DCUN1D2: variants seen among roughly 807,000 people sequenced by gnomAD.
DCUN1D2 encodes the protein DCN1-like protein 2.
In DCUN1D2, 29 loss-of-function variants were observed where a neutral mutation model predicts 30.9. The ratio of observed to expected loss-of-function variants is 0.94; its 90% CI spans 0.70 to 1.28. The LOEUF is 1.28. DCUN1D2 is among the 50% of genes most tolerant of loss of function. The pLI, the probability that DCUN1D2 is intolerant of heterozygous loss-of-function variation, is 0.00. For missense variants in DCUN1D2, 325 were observed against 316.9 expected, an observed-to-expected ratio of 1.03 and a Z score of -0.19; for synonymous variants, 121 against 115.3, an observed-to-expected ratio of 1.05 and a Z score of -0.32.
chr13:113,474,387 G>T, intron 3 of DCUN1D2, 133 bp from the exon 4 acceptor site: 1 of 1,268,116 alleles, frequency 7.9e-7, no homozygotes, highest in Non-Finnish European at 1.1e-6. Context: ...TCCTTTCCCA[G>T]GCGCGGCCTA....
At chr13:113,465,640 C>A (rs1027182413) in intron 4 of DCUN1D2, among the ~76,000 whole-genome samples, 1 of 151,618 alleles carries the variant, frequency 6.6e-6, no homozygotes, top group African/African-American at 2.4e-5. Context: ...TCAAGTCTTC[C>A]TCCACATCAT....
chr13:113,466,801 ATTTTTT>A (rs112063279), intron 4 of DCUN1D2, among the ~76,000 whole-genome samples: 3 of 109,794 alleles, frequency 2.7e-5, no homozygotes, highest in Admixed American at 9.8e-5. Flanking sequence ...TGTCCTTTGG[ATTTTTT>A]TTTTTTTTTT....
At chr13:113,468,007 G>A (rs946373708) in intron 4 of DCUN1D2, among the ~76,000 whole-genome samples, 14 of 142,206 alleles carry the variant, frequency 9.8e-5, no homozygotes, top group Non-Finnish European at 1.6e-4. Context: ...TCACACCACT[G>A]CACTCCAGCC....
At chr13:113,483,295 C>G (rs1369579576) in intron 2 of DCUN1D2, among the ~76,000 whole-genome samples, 1 of 152,160 alleles carries the variant, frequency 6.6e-6, no homozygotes, top group Admixed American at 6.5e-5. Flanking sequence ...CAATCTGCAA[C>G]AAAAAGTTTC....
chr13:113,476,467 C>T (rs1299193363), intron 3 of DCUN1D2, among the ~76,000 whole-genome samples: 2 of 152,180 alleles, frequency 1.3e-5, no homozygotes, highest in East Asian at 1.9e-4. Flanking sequence ...TGTGCATCCT[C>T]TTTTGTGAAG....
rs1477622664 is a variant in DCUN1D2 at position 113,480,715 on chromosome 13, G to A, written c.249C>T (p.Val83=). ...CATCACAAAACTGTTGAATCCCATC[G>A]ACTCCAATTTTGTTTTCATCTTGTG... is the stretch of plus-strand genomic sequence containing the variant. The part of the protein sequence containing the change: ...KDPQDENKIG[V]DGIQQFCDDL... Residue 83 remains valine (V), a synonymous_variant, in exon 3 of 7, where the codon GTC becomes GTT. Transcript: ENST00000478244. 8.1e-6 allele frequency: 13 copies of A among 1,613,852 alleles called. No homozygotes were observed. The highest frequency in any genetic ancestry group is 1.3e-5 in the African/African-American group (1 of 74,910).
chr13:113,471,729 C>A (rs1654917800), intron 4 of DCUN1D2, among the ~76,000 whole-genome samples: 1 of 152,148 alleles, frequency 6.6e-6, no homozygotes, highest in African/African-American at 2.4e-5. Context: ...ACGATCTACG[C>A]CAGAAGAAAG....
intron 2 of DCUN1D2, 133 bp downstream of exon 2, chr13:113,483,707 C>T (rs371054675): frequency 6.1e-5 from 49 of 797,746 alleles, no homozygotes; most frequent in African/African-American, 4.5e-4. Context: ...AGCTGAGCGC[C>T]GAGCGCTGAG....
intron 6 of DCUN1D2, 120 bp downstream of exon 6, chr13:113,459,192 G>T: frequency 1.6e-6 from 1 of 612,148 alleles, no homozygotes; most frequent in Admixed American, 2.6e-5. Context: ...TAATAAGGAA[G>T]GGGGTAGTAT....
At chr13:113,489,259 C>T in intron 1 of DCUN1D2, 1 of 570,154 alleles carries the variant, frequency 1.8e-6, no homozygotes, top group Non-Finnish European at 2.2e-6. Context: ...GCATCCTGAA[C>T]ATGTTCAAGT....
intron 3 of DCUN1D2, among the ~76,000 whole-genome samples, chr13:113,476,622 T>C (rs1371032498): frequency 2.6e-5 from 4 of 152,244 alleles, no homozygotes; most frequent in East Asian, 3.8e-4. Context: ...ACTACCTTGA[T>C]GTTTCTTAAC....
intron 1 of DCUN1D2, among the ~76,000 whole-genome samples, chr13:113,484,594 A>C (rs1481406815): frequency 6.6e-6 from 1 of 152,056 alleles, no homozygotes; most frequent in East Asian, 1.9e-4. Flanking sequence ...AAGCAGGCAC[A>C]AAAAAACCTG....
chr13:113,480,911 A>C (rs2044697126), intron 2 of DCUN1D2, among the ~76,000 whole-genome samples, 168 bp from the exon 3 acceptor site: 1 of 152,154 alleles, frequency 6.6e-6, no homozygotes, highest in South Asian at 2.1e-4. Flanking sequence ...AGAAATAGTG[A>C]GCAACTAATA....
chr13:113,461,718 G>A (rs888891663), intron 4 of DCUN1D2, among the ~76,000 whole-genome samples: 4 of 152,214 alleles, frequency 2.6e-5, no homozygotes, highest in Admixed American at 1.3e-4. Flanking sequence ...AGGACACTGC[G>A]TATCAATCAA....
At chr13:113,462,832 A>C in intron 4 of DCUN1D2, 1 of 1,223,084 alleles carries the variant, frequency 8.2e-7, no homozygotes, top group Non-Finnish European at 1.0e-6. Context: ...CATTAATTGA[A>C]ATCTATATTC....
rs1222315659 is a variant in DCUN1D2 at position 113,475,200 on chromosome 13, ACAG to A, written c.390-949_390-947del. On this transcript the variant is annotated intron_variant, in intron 3 of 6. Transcript: ENST00000478244. Reference sequence around the variant, plus strand: ...TCAGTCCTGCGCGCAGTCACGGTCAACAGCAGAAGGCGTATGTCACAGTGGTCC... The same window carrying A: ...TCAGTCCTGCGCGCAGTCACGGTCAACAGAAGGCGTATGTCACAGTGGTCC... Among the ~76,000 whole-genome samples, 4 of 152,214 alleles carry A rather than the reference ACAG, an allele frequency of 2.6e-5. No homozygotes were observed. In the East Asian group the frequency reaches 5.8e-4, roughly 22 times the overall value.
chr13:113,468,437 A>T (rs2139694280), intron 4 of DCUN1D2, among the ~76,000 whole-genome samples: 1 of 152,296 alleles, frequency 6.6e-6, no homozygotes, highest in African/African-American at 2.4e-5. Flanking sequence ...AAGATGAGAA[A>T]GTTCTGGGAA....
chr13:113,472,989 G>A (rs1218550006), intron 4 of DCUN1D2, among the ~76,000 whole-genome samples: 17 of 113,218 alleles, frequency 1.5e-4, no homozygotes, highest in East Asian at 5.1e-4. Flanking sequence ...CTGTCCCCCC[G>A]TGCCTCTGTC....
At chr13:113,469,143 T>TGC (rs2044460244) in intron 4 of DCUN1D2, among the ~76,000 whole-genome samples, 2 of 97,728 alleles carry the variant, frequency 2.0e-5, no homozygotes, top group South Asian at 3.8e-4. Flanking sequence ...ACTACACGCC[T>TGC]GCACACACAC....
Sources: gnomAD v4.1 joint callset for allele counts (sites outside exome capture counted in the v4.1 genomes callset) on GRCh38, gnomAD v4.1.1 for gene constraint, MANE v1.5 for transcripts, NCBI Gene and HGNC (gene_info 2026-07-23, HGNC 2026-07-21) for gene names.